SGMS1: variants seen among roughly 807,000 people sequenced by gnomAD.
SGMS1 encodes sphingomyelin synthase 1, also known as phosphatidylcholine:ceramide cholinephosphotransferase 1.
SGMS1 carries 13 observed loss-of-function variants against 46.2 expected under a neutral mutation model. That is an observed-to-expected ratio of 0.28 (90% CI 0.18 to 0.45). SGMS1 has a LOEUF of 0.45. Ranked by LOEUF, SGMS1 falls within the 20% of genes least tolerant of loss-of-function variation. SGMS1 has a pLI of 1.00. For synonymous variants in SGMS1, 203 were observed against 187.8 expected, an observed-to-expected ratio of 1.08 and a Z score of -0.66; for missense variants, 324 against 519.9, an observed-to-expected ratio of 0.62 and a Z score of 3.66.
rs566153294 is a variant in SGMS1 at position 50,334,742 on chromosome 10, A to T, written c.624-7420T>A. 3 of 152,390 alleles carry T rather than the reference A, an allele frequency of 2.0e-5. No individual in the cohort carries two copies. The East Asian group carries it at 5.8e-4, about 29-fold the overall frequency. The allele number at this position is 152,390 out of a possible 1,614,324, so 9.4% of individuals were successfully genotyped here. On this transcript the variant is annotated intron_variant, in intron 7 of 10. Transcript: ENST00000361781. ...GAATACAGCAGTGAACAGAATGGAC[A>T]AACATCCTGGCTTGTGGTGCCTGTG...
Position 50,518,298 on chromosome 10 carries a change from A to G in SGMS1, c.-498+1533T>C, listed in dbSNP as rs184509173. On this transcript the variant is annotated intron_variant, in intron 3 of 10. Coordinates refer to ENST00000361781, the MANE Select transcript of SGMS1 (RefSeq NM_147156.4). ...TATTTTCAGGATAATCATTAGAAGAACAGAAATACAAGTTATAATTTCCAA... is the reference window on the plus strand; with the variant it reads ...TATTTTCAGGATAATCATTAGAAGAGCAGAAATACAAGTTATAATTTCCAA... Among the ~76,000 whole-genome samples, 5 of 152,366 alleles carry G rather than the reference A, an allele frequency of 3.3e-5. No individual in the cohort carries two copies. The East Asian group carries it at 9.6e-4, about 29-fold the overall frequency.
At chr10:50,417,978 T>C (rs918070532) in intron 6 of SGMS1, 2 of 152,262 alleles carry the variant, frequency 1.3e-5, no homozygotes, top group Non-Finnish European at 2.9e-5. Context: ...CGTAGTAGAA[T>C]TGGCACTGAT....
intron 2 of SGMS1, among the ~76,000 whole-genome samples, chr10:50,529,627 T>C (rs1464760886): frequency 1.3e-5 from 2 of 152,196 alleles, no homozygotes; most frequent in East Asian, 1.9e-4. Context: ...CTATTCCCTT[T>C]GACTATTCAA....
intron 3 of SGMS1, among the ~76,000 whole-genome samples, chr10:50,487,378 C>T (rs1163090443): frequency 1.3e-5 from 2 of 152,114 alleles, no homozygotes; most frequent in Admixed American, 6.6e-5. Context: ...ATAGCTAATG[C>T]ATGCTGGGCT....
intron 6 of SGMS1, among the ~76,000 whole-genome samples, chr10:50,402,600 T>C (rs1200627810): frequency 6.6e-6 from 1 of 152,196 alleles, no homozygotes; most frequent in East Asian, 1.9e-4. Flanking sequence ...TGTGAGGAAA[T>C]CTTTAAAAAC....
chr10:50,498,326 T>C (rs545552453), intron 3 of SGMS1, among the ~76,000 whole-genome samples: 2 of 152,374 alleles, frequency 1.3e-5, no homozygotes, highest in East Asian at 3.9e-4. Context: ...TGGTAAAATA[T>C]ACATAACATA....
chr10:50,610,342 T>G (rs1013525805), intron 1 of SGMS1, among the ~76,000 whole-genome samples: 7 of 152,200 alleles, frequency 4.6e-5, no homozygotes, highest in South Asian at 4.1e-4. Context: ...AATGGGCCTT[T>G]TAAATACCTT....
intron 6 of SGMS1, among the ~76,000 whole-genome samples, chr10:50,350,838 AC>A (rs1200216248): frequency 1.3e-5 from 2 of 152,116 alleles, no homozygotes; most frequent in African/African-American, 2.4e-5. Context: ...CTCATGGAGA[AC>A]CTCTGCTAGG....
chr10:50,523,109 T>C (rs1240651106), intron 2 of SGMS1, among the ~76,000 whole-genome samples: 1 of 152,148 alleles, frequency 6.6e-6, no homozygotes, highest in Non-Finnish European at 1.5e-5. Context: ...AGGATCACAG[T>C]TCCGGATGCC....
At position 50,307,159 on chromosome 10, in the gene SGMS1, G is replaced by A. The variant is rs1847190972; in HGVS notation, c.1225C>T (p.Leu409=). ...HLSRQVKYSR[L]VNDT ...TACAGCTGTTATGTGTCATTCACCA[G>A]CCGGCTGTATTTAACTTGCCTACTG... The change falls in exon 11 of 11, where the codon CTG becomes TTG. Residue 409 remains leucine (L), a synonymous_variant. Coordinates refer to ENST00000361781, the MANE Select transcript of SGMS1 (RefSeq NM_147156.4). This position sits in a 1 kb window ranked among gnomAD's most constrained non-coding sequence, Gnocchi z 4.2. The A allele has an allele frequency of 6.2e-7, 1 of 1,613,776 alleles. No homozygotes were observed. The highest frequency in any genetic ancestry group is 8.5e-7 in the Non-Finnish European group (1 of 1,179,892).
chr10:50,344,938 C>A (rs758022738), intron 6 of SGMS1, among the ~76,000 whole-genome samples: 3 of 151,964 alleles, frequency 2.0e-5, no homozygotes, highest in Non-Finnish European at 4.4e-5. Flanking sequence ...GTGCTTTGGA[C>A]ACTTTTCAAC....
In SGMS1 at chr10:50,406,946, C is replaced by T. The variant is rs141049250; in HGVS notation, c.-232+26530G>A. Among the ~76,000 whole-genome samples the T allele has an allele frequency of 5.3e-5, 8 of 152,222 alleles. No individual in the cohort carries two copies. The East Asian group carries it at 1.5e-3, about 29-fold the overall frequency. On this transcript the variant is annotated intron_variant, in intron 6 of 10. Transcript: ENST00000361781. Reference sequence around the variant, plus strand: ...GCCCAGGCAGGTCCTGCGCTCCTGGCCTCAAGTAATCTTCCTGCCTTGGCC... The same window carrying T: ...GCCCAGGCAGGTCCTGCGCTCCTGGTCTCAAGTAATCTTCCTGCCTTGGCC...
intron 6 of SGMS1, among the ~76,000 whole-genome samples, chr10:50,394,824 A>G (rs754239827): frequency 2.0e-5 from 3 of 152,222 alleles, no homozygotes; most frequent in Non-Finnish European, 4.4e-5. Context: ...TTGTTTAGCA[A>G]CTAATAACTG....
chr10:50,380,743 C>A (rs1187478745), intron 6 of SGMS1, among the ~76,000 whole-genome samples: 3 of 151,802 alleles, frequency 2.0e-5, no homozygotes, highest in African/African-American at 7.3e-5. Flanking sequence ...ATATTATTTA[C>A]TTAATACTGT....
At chr10:50,423,834 C>T (rs1849286723) in intron 6 of SGMS1, among the ~76,000 whole-genome samples, 1 of 152,218 alleles carries the variant, frequency 6.6e-6, no homozygotes, top group South Asian at 2.1e-4. Flanking sequence ...AAACTCCATT[C>T]ATGACATTGT....
At chr10:50,427,177 TCA>T (rs755375728) in intron 6 of SGMS1, among the ~76,000 whole-genome samples, 6 of 152,156 alleles carry the variant, frequency 3.9e-5, no homozygotes, top group Non-Finnish European at 7.3e-5. Flanking sequence ...GGCGGACAGA[TCA>T]CGAGGTCAGG....
intron 2 of SGMS1, among the ~76,000 whole-genome samples, chr10:50,533,923 C>G (rs945671018): frequency 6.6e-6 from 1 of 152,070 alleles, no homozygotes; most frequent in African/African-American, 2.4e-5. Flanking sequence ...GGTGGCACAT[C>G]CCTATAGTCC....
intron 2 of SGMS1, among the ~76,000 whole-genome samples, chr10:50,578,660 GTT>G (rs923402637): frequency 6.6e-6 from 1 of 152,086 alleles, no homozygotes; most frequent in Non-Finnish European, 1.5e-5. Context: ...GCAGGTATGT[GTT>G]TGAACAAATA....
chr10:50,499,875 A>G (rs1356431464), intron 3 of SGMS1, among the ~76,000 whole-genome samples: 4 of 152,268 alleles, frequency 2.6e-5, no homozygotes, highest in African/African-American at 9.6e-5. Context: ...TATCTAAAAA[A>G]CAAGCTTGAT....
Sources: gnomAD v4.1 joint callset for allele counts (sites outside exome capture counted in the v4.1 genomes callset) on GRCh38, gnomAD v4.1.1 for gene constraint, Gnocchi (gnomAD v3.1) non-coding constraint, MANE v1.5 for transcripts, NCBI Gene and HGNC (gene_info 2026-07-23, HGNC 2026-07-21) for gene names.